The following DDC variants were observed in gnomAD, a reference collection of about 807,000 sequenced individuals.
DDC encodes the protein aromatic-L-amino-acid decarboxylase.
DDC carries 43 observed loss-of-function variants against 60.0 expected under a neutral mutation model. The observed-to-expected ratio is 0.72, with a 90% confidence interval of 0.56 to 0.92. The LOEUF (loss-of-function observed/expected upper bound fraction) is 0.92. Among genes scored for constraint, DDC ranks in the 40% least tolerant of loss-of-function variants. The pLI is 0.00. For synonymous variants in DDC, 232 were observed against 234.6 expected (o/e 0.99, Z 0.10); for missense variants, 573 against 620.2 (o/e 0.92, Z 0.81).
intron 9 of DDC, chr7:50,493,021 C>G: frequency 6.3e-7 from 1 of 1,582,696 alleles, no homozygotes. Flanking sequence ...GGCAGGACGC[C>G]GCATTCATTA....
chr7:50,465,457 G>A (rs895086810), intron 13 of DDC, among the ~76,000 whole-genome samples: 20 of 8,708 alleles, frequency 2.3e-3, no homozygotes, highest in African/African-American at 1.1e-3. Flanking sequence ...TGCAACCTCC[G>A]CCTCCCAGGT....
chr7:50,473,262 T>C (rs1459426327), intron 11 of DDC, among the ~76,000 whole-genome samples: 2 of 151,928 alleles, frequency 1.3e-5, no homozygotes, highest in Non-Finnish European at 2.9e-5. Flanking sequence ...GGCTGAGAGG[T>C]GCCCTGGGGG....
chr7:50,532,122 A>C lies in DDC; in HGVS notation c.436-2780T>G, dbSNP rs1352504045. Among the ~76,000 whole-genome samples, 2 of 152,324 alleles carry C rather than the reference A, an allele frequency of 1.3e-5. 1 individual carries two copies. The highest frequency in any genetic ancestry group is 4.1e-4 in the South Asian group (2 of 4,828). On this transcript the variant is annotated intron_variant, in intron 4 of 14. Coordinates refer to ENST00000444124, the MANE Select transcript of DDC (RefSeq NM_001082971.2). ...GCCCACAGCTGTGATTACAGCTCTG[A>C]GGGGATCAATAATGCAGGCTGGCTC... is the stretch of plus-strand genomic sequence containing the variant.
At chr7:50,531,486 G>A (rs894684577) in intron 4 of DDC, among the ~76,000 whole-genome samples, 3 of 151,930 alleles carry the variant, frequency 2.0e-5, no homozygotes, top group Non-Finnish European at 4.4e-5. Context: ...TTGAAGCGTT[G>A]GAACGCAGGT....
chr7:50,467,329 A>AT lies in DDC; in HGVS notation c.1141-15_1141-14insA. 1 of 1,610,296 alleles carries AT rather than the reference A, an allele frequency of 6.2e-7. No homozygotes were observed. Among genetic ancestry groups the AT allele is most frequent in the Non-Finnish European group, 8.5e-7 (1 of 1,176,516 alleles). On this transcript the variant is annotated splice_polypyrimidine_tract_variant and intron_variant, in intron 12 of 14. Transcript: ENST00000444124. ...CAGCTGGACATGCTTCAAAGAGGAA[A>AT]GGGAAAATCTGTTTTTCTCATGGCC...
At chr7:50,487,074 A>G (rs955107743) in intron 9 of DDC, among the ~76,000 whole-genome samples, 8 of 152,220 alleles carry the variant, frequency 5.3e-5, no homozygotes, top group East Asian at 1.9e-4. Context: ...TTTTAAATAT[A>G]TAAGATCTGC....
intron 11 of DDC, among the ~76,000 whole-genome samples, chr7:50,471,280 T>C (rs1439924097): frequency 6.6e-6 from 1 of 152,204 alleles, no homozygotes; most frequent in Non-Finnish European, 1.5e-5. Context: ...TAATCCCATC[T>C]ACTTGGGAAG....
At chr7:50,514,838 A>G (rs1057116590) in intron 6 of DDC, among the ~76,000 whole-genome samples, 20 of 152,228 alleles carry the variant, frequency 1.3e-4, no homozygotes, top group Non-Finnish European at 2.2e-4. Context: ...GCTCGAAGAC[A>G]AGGTCTTTGA....
chr7:50,462,726 CCTT>C (rs1456765012), intron 14 of DDC, among the ~76,000 whole-genome samples: 1 of 150,408 alleles, frequency 6.6e-6, no homozygotes, highest in African/African-American at 2.4e-5. Flanking sequence ...ATGTATCATT[CCTT>C]CTACTTCTCC....
At chr7:50,562,083 T>A (rs1226468914) in intron 1 of DDC, among the ~76,000 whole-genome samples, 1 of 152,160 alleles carries the variant, frequency 6.6e-6, no homozygotes, top group Non-Finnish European at 1.5e-5. Context: ...AGGAGAGCCA[T>A]CCATCCTCTG....
chr7:50,522,210 A>AG (rs2043912086), intron 6 of DDC, among the ~76,000 whole-genome samples: 1 of 151,832 alleles, frequency 6.6e-6, no homozygotes, highest in Non-Finnish European at 1.5e-5. Context: ...AAAAAGAAAA[A>AG]AAAAAGAATG....
In DDC at chr7:50,494,643, C is replaced by T. The variant is rs182037787; in HGVS notation, c.944+707G>A. The stretch of plus-strand genomic sequence containing the variant: ...AATTTCCAGGGAAATTCTTAGGAAA[C>T]ATGGTTACTATTATTTTTCTTTCGC... On this transcript the variant is annotated intron_variant, in intron 9 of 14. Coordinates refer to ENST00000444124, the MANE Select transcript of DDC (RefSeq NM_001082971.2). 2.1e-3 allele frequency among the ~76,000 whole-genome samples: 315 copies of T among 150,602 alleles called. 4 individuals are homozygous for T. The highest frequency in any genetic ancestry group is 7.3e-3 in the African/African-American group (301 of 41,038).
chr7:50,556,010 G>T (rs970432066), intron 1 of DDC, among the ~76,000 whole-genome samples: 1 of 152,214 alleles, frequency 6.6e-6, no homozygotes, highest in East Asian at 1.9e-4. Flanking sequence ...TCCTAGGGCT[G>T]CAAGGAATGA....
chr7:50,534,882 G>A (rs1214264621), intron 4 of DDC, among the ~76,000 whole-genome samples: 1 of 152,172 alleles, frequency 6.6e-6, no homozygotes, highest in African/African-American at 2.4e-5. Context: ...CCTCACCAAG[G>A]CAAAGTGCAG....
chr7:50,561,589 T>G (rs952542119), intron 1 of DDC, among the ~76,000 whole-genome samples: 2 of 152,062 alleles, frequency 1.3e-5, no homozygotes, highest in Non-Finnish European at 2.9e-5. Context: ...CTTAAGCCTA[T>G]CAGCATCTAA....
chr7:50,558,926 C>G (rs559042870), intron 1 of DDC, among the ~76,000 whole-genome samples: 3 of 152,292 alleles, frequency 2.0e-5, no homozygotes, highest in Admixed American at 2.0e-4. Flanking sequence ...GTGCTGAGCC[C>G]GCAGACACAC....
intron 9 of DDC, chr7:50,492,859 G>A: frequency 6.4e-7 from 1 of 1,565,686 alleles, no homozygotes. Flanking sequence ...CCAACTTGCT[G>A]GCATCAGCTC....
chr7:50,471,181 C>T (rs532655309), intron 11 of DDC, among the ~76,000 whole-genome samples: 6 of 152,258 alleles, frequency 3.9e-5, no homozygotes, highest in South Asian at 2.1e-4. Context: ...CACCTGAGGT[C>T]GGGAGTTTGA....
At chr7:50,497,610 C>T (rs974638122) in intron 8 of DDC, among the ~76,000 whole-genome samples, 1 of 152,100 alleles carries the variant, frequency 6.6e-6, no homozygotes, top group African/African-American at 2.4e-5. Context: ...CTTCGTTTCC[C>T]AGCACCAAAC....
Sources: allele counts gnomAD v4.1 joint callset (sites outside exome capture counted in the v4.1 genomes callset), GRCh38; gene constraint gnomAD v4.1.1; transcripts MANE v1.5; gene names NCBI Gene and HGNC (gene_info 2026-07-23, HGNC 2026-07-21).